The following RIC8B variants were observed in gnomAD, a reference collection of about 807,000 sequenced individuals.
RIC8B encodes the protein chaperone Ric-8B.
In RIC8B, 16 loss-of-function variants were observed where a neutral mutation model predicts 57.5. The ratio of observed to expected loss-of-function variants is 0.28; its 90% CI spans 0.19 to 0.42. The LOEUF (loss-of-function observed/expected upper bound fraction) is 0.42, where lower values mean the gene tolerates loss of function less well. RIC8B is among the 10% of genes least tolerant of loss of function. The probability of loss-of-function intolerance (pLI) is 1.00; values close to 1 mark genes in which losing one functional copy is unlikely to be tolerated. For missense variants in RIC8B, 481 were observed against 677.0 expected (o/e 0.71, Z 3.21); for synonymous variants, 216 against 250.8 (o/e 0.86, Z 1.31).
chr12:106,851,418 A>G, intron 6 of RIC8B, 32 bp from the exon 7 acceptor site: 1 of 1,595,364 alleles, frequency 6.3e-7, no homozygotes, highest in Non-Finnish European at 8.5e-7. Flanking sequence ...AGTAGCCTCG[A>G]TTGATGATGG....
chr12:106,859,986 T>C (rs774408362), intron 7 of RIC8B, among the ~76,000 whole-genome samples: 1 of 152,122 alleles, frequency 6.6e-6, no homozygotes, highest in Non-Finnish European at 1.5e-5. Flanking sequence ...GCGTGACCCT[T>C]ACCAAAGGCC....
At chr12:106,826,677 C>A (rs2046116986) in intron 4 of RIC8B, among the ~76,000 whole-genome samples, 1 of 152,168 alleles carries the variant, frequency 6.6e-6, no homozygotes, top group Non-Finnish European at 1.5e-5. Flanking sequence ...AAACACTGAA[C>A]CTGGGAGGTG....
At position 106,851,477 on chromosome 12, in the gene RIC8B, A is replaced by C. The variant is rs1208328975; in HGVS notation, c.1189A>C (p.Asn397His). Residue 397 changes from asparagine (N) to histidine (H), a missense_variant, in exon 7 of 10, where the codon AAT (asparagine) becomes CAT (histidine). Transcript: ENST00000392837. ...TTTACCACCGTTGAGGGATGTGACA[A>C]ATCGACCTGAAGTTGGCTCAACTGT... Reference protein sequence around the residue: ...QVLPPLRDVTNRPEVGSTVRN... With the variant: ...QVLPPLRDVTHRPEVGSTVRN... The C allele has an allele frequency of 3.7e-6, 6 of 1,613,668 alleles. No individual in the cohort carries two copies. The highest frequency in any genetic ancestry group is 1.1e-5 in the South Asian group (1 of 91,060).
intron 2 of RIC8B, among the ~76,000 whole-genome samples, chr12:106,801,901 A>G (rs2136231319): frequency 6.6e-6 from 1 of 152,346 alleles, no homozygotes; most frequent in Middle Eastern, 3.4e-3. Flanking sequence ...GCATGTACAC[A>G]TGTACCTCTT....
intron 8 of RIC8B, 111 bp downstream of exon 8, chr12:106,860,523 T>A (rs907126660): frequency 1.1e-6 from 1 of 889,396 alleles, no homozygotes; most frequent in Non-Finnish European, 1.6e-6. Flanking sequence ...TTGGAAACTT[T>A]CCATTTAATG....
intron 3 of RIC8B, among the ~76,000 whole-genome samples, chr12:106,824,166 T>A (rs2045986083): frequency 4.6e-5 from 7 of 152,208 alleles, no homozygotes; most frequent in Admixed American, 4.6e-4. Flanking sequence ...GTTCCCTTCC[T>A]CTGTTACCCT....
chr12:106,787,257 A>T (rs2136180333), intron 2 of RIC8B, among the ~76,000 whole-genome samples: 1 of 152,280 alleles, frequency 6.6e-6, no homozygotes, highest in African/African-American at 2.4e-5. Flanking sequence ...TTAATGGGAA[A>T]ACATCAACAA....
intron 2 of RIC8B, among the ~76,000 whole-genome samples, chr12:106,793,254 G>C (rs995027165): frequency 2.6e-5 from 4 of 152,120 alleles, no homozygotes; most frequent in Non-Finnish European, 5.9e-5. Flanking sequence ...GTGTCACACA[G>C]AAGCATACCA....
intron 4 of RIC8B, among the ~76,000 whole-genome samples, chr12:106,827,618 G>T (rs1251859988): frequency 2.0e-5 from 3 of 152,042 alleles, no homozygotes; most frequent in Non-Finnish European, 4.4e-5. Flanking sequence ...TGTTTTTCTT[G>T]ATTAAAAAAT....
intron 2 of RIC8B, among the ~76,000 whole-genome samples, chr12:106,784,996 C>G (rs1224562470): frequency 1.3e-5 from 2 of 152,190 alleles, no homozygotes; most frequent in Non-Finnish European, 2.9e-5. Flanking sequence ...ACATGCTTTT[C>G]TAGTAGATTG....
At chr12:106,851,315 CT>C (rs34606963) in intron 6 of RIC8B, 134 bp from the exon 7 acceptor site, 3,574 of 211,808 alleles carry the variant, frequency 0.017, 1 homozygote, top group East Asian at 0.032. Context: ...GGAAGCTAAC[CT>C]TTTTTTTTTT....
intron 2 of RIC8B, among the ~76,000 whole-genome samples, chr12:106,796,120 A>G (rs1290909086): frequency 1.3e-5 from 2 of 152,248 alleles, no homozygotes; most frequent in Non-Finnish European, 2.9e-5. Flanking sequence ...TTAGAAACCC[A>G]GGTGGCTTCC....
chr12:106,801,027 G>A (rs1019767333), intron 2 of RIC8B, among the ~76,000 whole-genome samples: 4 of 152,158 alleles, frequency 2.6e-5, no homozygotes, highest in African/African-American at 9.7e-5. Flanking sequence ...ATTCTAATTT[G>A]AAACAAATGA....
At chr12:106,819,138 C>G (rs2045723066) in intron 3 of RIC8B, among the ~76,000 whole-genome samples, 1 of 152,046 alleles carries the variant, frequency 6.6e-6, no homozygotes, top group African/African-American at 2.4e-5. Context: ...TACAAAAATG[C>G]AGTCATTTAA....
At chr12:106,797,352 G>A (rs1051173079) in intron 2 of RIC8B, among the ~76,000 whole-genome samples, 2 of 152,172 alleles carry the variant, frequency 1.3e-5, no homozygotes, top group African/African-American at 4.8e-5. Flanking sequence ...CTACAACATG[G>A]ATGAACCTTG....
intron 2 of RIC8B, among the ~76,000 whole-genome samples, chr12:106,800,568 AT>A (rs2044688084): frequency 6.6e-6 from 1 of 152,266 alleles, no homozygotes; most frequent in African/African-American, 2.4e-5. Context: ...ATCTCCATAT[AT>A]TAATATTATC....
intron 7 of RIC8B, among the ~76,000 whole-genome samples, chr12:106,855,286 G>A (rs1225234016): frequency 6.6e-6 from 1 of 152,172 alleles, no homozygotes; most frequent in South Asian, 2.1e-4. Context: ...TCCCTTTCCT[G>A]TTGATCATTT....
chr12:106,848,100 G>A (rs1328539900), intron 6 of RIC8B, among the ~76,000 whole-genome samples: 1 of 152,190 alleles, frequency 6.6e-6, no homozygotes, highest in Admixed American at 6.5e-5. Context: ...ATATGGAGTG[G>A]TCAGGGAATG....
rs1949070059 is a variant in RIC8B, at chr12:106,843,869, G to A, written c.1083G>A (p.Glu361=). 1.9e-6 allele frequency: 3 copies of A among 1,612,620 alleles called. No homozygotes were observed. The South Asian group carries it at 3.3e-5, about 18-fold the overall frequency. ...KRIDKGSSYR[E]GLTPVLSLLT... ...TTTTATAGGGAAGCAGCTATAGAGAGGGTCTAACTCCAGTTCTCAGCTTAT... is the reference window on the plus strand; with the variant it reads ...TTTTATAGGGAAGCAGCTATAGAGAAGGTCTAACTCCAGTTCTCAGCTTAT... The change falls in exon 6 of 10, where the codon GAG becomes GAA. Residue 361 remains glutamate (E), a synonymous_variant. Coordinates refer to ENST00000392837, the MANE Select transcript of RIC8B (RefSeq NM_001330145.2).
Sources: gnomAD v4.1 joint callset for allele counts (sites outside exome capture counted in the v4.1 genomes callset) on GRCh38, gnomAD v4.1.1 for gene constraint, MANE v1.5 for transcripts, NCBI Gene and HGNC (gene_info 2026-07-23, HGNC 2026-07-21) for gene names.